Variants in SV2C observed in about 807,000 individuals in gnomAD.
The protein encoded by SV2C is synaptic vesicle glycoprotein 2C, also known as solute carrier family 22 member B3.
SV2C carries 49 observed loss-of-function variants against 79.7 expected under a neutral mutation model. The observed-to-expected ratio is 0.61, with a 90% CI of 0.49 to 0.78. The LOEUF is 0.78. Ranked by LOEUF, SV2C falls within the 30% of genes least tolerant of loss-of-function variation. SV2C has a pLI of 0.00. For missense variants in SV2C, 833 were observed against 912.9 expected, an observed-to-expected ratio of 0.91 and a Z score of 1.13; for synonymous variants, 334 against 333.2, an observed-to-expected ratio of 1.00 and a Z score of -0.03.
chr5:76,263,725 G>T (rs2972822), intron 4 of SV2C, among the ~76,000 whole-genome samples: 1 of 152,030 alleles, frequency 6.6e-6, no homozygotes, highest in Non-Finnish European at 1.5e-5. Context: ...ACTTATGAAA[G>T]TTAGTTTGGC....
the SV2C span, among the ~76,000 whole-genome samples, chr5:75,963,486 A>T: frequency 6.6e-6 from 1 of 152,106 alleles, no homozygotes; most frequent in Non-Finnish European, 1.5e-5. Context: ...GTCTTCTAAA[A>T]TCCGATATTA....
At chr5:76,159,425 G>A (rs1742834902) in intron 2 of SV2C, among the ~76,000 whole-genome samples, 2 of 152,060 alleles carry the variant, frequency 1.3e-5, no homozygotes, top group African/African-American at 4.8e-5. Flanking sequence ...AACAAGTCCA[G>A]CAAGTACATT....
At chr5:76,152,781 C>G (rs181475672) in intron 2 of SV2C, among the ~76,000 whole-genome samples, 215 of 152,300 alleles carry the variant, frequency 1.4e-3, no homozygotes, top group African/African-American at 5.1e-3. Flanking sequence ...TTCTGCCCCC[C>G]AGCCCCTCCC....
At chr5:75,888,331 T>TTAA in the SV2C span, among the ~76,000 whole-genome samples, 3,949 of 148,430 alleles carry the variant, frequency 0.027, 157 homozygotes, top group African/African-American at 0.088. Context: ...CCTTGCTTTT[T>TTAA]AAAAAAAAAA....
At chr5:76,192,490 T>G (rs1355808063) in intron 2 of SV2C, among the ~76,000 whole-genome samples, 1 of 152,234 alleles carries the variant, frequency 6.6e-6, no homozygotes, top group East Asian at 1.9e-4. Context: ...GGAGATTGTC[T>G]AGAGCTTGAT....
At chr5:75,903,776 TA>T in the SV2C span, among the ~76,000 whole-genome samples, 2 of 152,216 alleles carry the variant, frequency 1.3e-5, no homozygotes, top group Non-Finnish European at 2.9e-5. Context: ...TTCAACTTTG[TA>T]AATTGTTGAC....
the SV2C span, among the ~76,000 whole-genome samples, chr5:75,994,340 C>T: frequency 2.0e-5 from 3 of 152,152 alleles, no homozygotes; most frequent in East Asian, 3.9e-4. Context: ...TATTTATAGG[C>T]GTTCCACCTC....
intron 3 of SV2C, among the ~76,000 whole-genome samples, chr5:76,200,147 C>T (rs1374152652): frequency 1.3e-5 from 2 of 152,232 alleles, no homozygotes; most frequent in Non-Finnish European, 2.9e-5. Context: ...GGTGTTTTAG[C>T]TCAGGTCTGT....
rs1440638570 is a variant in SV2C, at chr5:76,331,695, G to A, written c.*6148G>A. ...TTGTTTTTTTTCTTTTCCTCCTCTG[G>A]TCGACAACCTCTTAATTCTAGCAGT... On this transcript the variant is annotated 3_prime_UTR_variant, in exon 13 of 13. Transcript: ENST00000502798. 2 of 152,010 alleles carry A rather than the reference G, an allele frequency of 1.3e-5. No individual in the cohort carries two copies. The highest frequency in any genetic ancestry group is 2.9e-5 in the Non-Finnish European group (2 of 68,082). 9.4% of individuals were successfully genotyped at this position (152,010 alleles called of 1,614,324 possible).
At chr5:75,904,665 C>T in the SV2C span, among the ~76,000 whole-genome samples, 1 of 152,212 alleles carries the variant, frequency 6.6e-6, no homozygotes, top group Non-Finnish European at 1.5e-5. Flanking sequence ...CCCAAGCTTA[C>T]ACCATAACTT....
At chr5:76,352,793 CATAA>C (rs1394049521) in intron 12 of SV2C, among the ~76,000 whole-genome samples, 1 of 152,154 alleles carries the variant, frequency 6.6e-6, no homozygotes, top group Non-Finnish European at 1.5e-5. Context: ...TTTTAATCAG[CATAA>C]ATACACAGGT....
chr5:76,009,496 A>AT, the SV2C span, among the ~76,000 whole-genome samples: 1 of 152,244 alleles, frequency 6.6e-6, no homozygotes, highest in Non-Finnish European at 1.5e-5. Context: ...AATAGCAAAG[A>AT]CATGGAATCA....
chr5:76,111,890 G>A (rs1265412055), intron 1 of SV2C, among the ~76,000 whole-genome samples: 2 of 152,174 alleles, frequency 1.3e-5, no homozygotes, highest in Non-Finnish European at 2.9e-5. Flanking sequence ...TGCTTGTTCT[G>A]TAAGGTGCTT....
At chr5:76,036,613 T>A in the SV2C span, among the ~76,000 whole-genome samples, 2,281 of 152,348 alleles carry the variant, frequency 0.015, 58 homozygotes, top group African/African-American at 0.047. Context: ...CCGAGAGATC[T>A]GCTGTTAGTC....
intron 2 of SV2C, among the ~76,000 whole-genome samples, chr5:76,158,226 C>T (rs1294902165): frequency 6.6e-6 from 1 of 151,518 alleles, no homozygotes; most frequent in Non-Finnish European, 1.5e-5. Context: ...ATTAAACAGT[C>T]CAATCAAAAG....
the SV2C span, among the ~76,000 whole-genome samples, chr5:75,918,717 C>G: frequency 2.0e-5 from 3 of 152,206 alleles, no homozygotes; most frequent in African/African-American, 7.2e-5. Context: ...ATTTTGGGAG[C>G]TTGTGGTAGA....
chr5:76,058,992 A>ATT, the SV2C span, among the ~76,000 whole-genome samples: 246 of 152,196 alleles, frequency 1.6e-3, 1 homozygote, highest in African/African-American at 5.6e-3. Context: ...AATCACGTAC[A>ATT]TTTTTTGGTC....
At chr5:76,206,133 A>G (rs1021226478) in intron 3 of SV2C, among the ~76,000 whole-genome samples, 8 of 152,250 alleles carry the variant, frequency 5.3e-5, no homozygotes, top group African/African-American at 1.9e-4. Flanking sequence ...AGGTAGAATC[A>G]TAATGGGAAA....
the SV2C span, among the ~76,000 whole-genome samples, chr5:75,886,994 G>A: frequency 6.6e-6 from 1 of 152,112 alleles, no homozygotes; most frequent in African/African-American, 2.4e-5. Flanking sequence ...AGGCATTGCA[G>A]TTCCTTCTTA....
Sources: allele counts gnomAD v4.1 joint callset (sites outside exome capture counted in the v4.1 genomes callset), GRCh38; gene constraint gnomAD v4.1.1; transcripts MANE v1.5; gene names NCBI Gene and HGNC (gene_info 2026-07-23, HGNC 2026-07-21).